Variants in CFAP221 observed in about 807,000 individuals in gnomAD.
The protein encoded by CFAP221 is cilia- and flagella-associated protein 221.
In CFAP221, 97 loss-of-function variants were observed where a neutral mutation model predicts 113.1. That is an observed-to-expected ratio of 0.86 (90% CI 0.73 to 1.02). CFAP221 has a LOEUF of 1.02. Among genes scored for constraint, CFAP221 ranks in the 50% least tolerant of loss-of-function variants. The pLI is 0.00. For synonymous variants in CFAP221, 331 were observed against 354.4 expected, an observed-to-expected ratio of 0.93 and a Z score of 0.74; for missense variants, 1,025 against 1,013.4, an observed-to-expected ratio of 1.01 and a Z score of -0.16.
chr2:119,647,183 C>T (rs1687865674), intron 22 of CFAP221, 133 bp downstream of exon 22: 1 of 602,802 alleles, frequency 1.7e-6, no homozygotes. Context: ...AAGGCTAACA[C>T]CCATCCATAC....
chr2:119,582,645 G>A (rs1409002452), intron 6 of CFAP221, among the ~76,000 whole-genome samples: 1 of 151,994 alleles, frequency 6.6e-6, no homozygotes, highest in Non-Finnish European at 1.5e-5. Context: ...ATGTAGAGAT[G>A]GGGTTTTGTT....
At chr2:119,600,082 G>A (rs555759819) in intron 7 of CFAP221, among the ~76,000 whole-genome samples, 2 of 152,288 alleles carry the variant, frequency 1.3e-5, no homozygotes, top group African/African-American at 4.8e-5. Context: ...GTCTCATCTA[G>A]AAAGCAAACC....
intron 7 of CFAP221, among the ~76,000 whole-genome samples, chr2:119,597,144 A>C (rs1227050310): frequency 6.6e-6 from 1 of 152,254 alleles, no homozygotes; most frequent in Non-Finnish European, 1.5e-5. Context: ...TTTATAGGAC[A>C]CACACTATGT....
In CFAP221 at chr2:119,656,421, T is replaced by C. The variant is rs749967169; in HGVS notation, c.2474T>C (p.Met825Thr). Reference protein sequence around the residue: ...EKAGEKLLEEMRNLRGKALNT... With the variant: ...EKAGEKLLEETRNLRGKALNT... ...GCCGGAGAGAAGCTGCTCGAGGAGA[T>C]GAGGAACCTGCGGGGCAAAGCACTC... The change falls in exon 24 of 24, where the codon ATG (methionine) becomes ACG (threonine). Residue 825 changes from methionine (M) to threonine (T), a missense_variant. Physicochemically the swap from Met to Thr is moderately conservative, Grantham distance 81. Coordinates refer to ENST00000413369, the MANE Select transcript of CFAP221 (RefSeq NM_001271049.2). 1.2e-6 allele frequency: 2 copies of C among 1,613,848 alleles called. No individual in the cohort carries two copies. The highest frequency in any genetic ancestry group is 1.7e-6 in the Non-Finnish European group (2 of 1,179,926).
intron 6 of CFAP221, among the ~76,000 whole-genome samples, chr2:119,575,101 G>A (rs1682345352): frequency 6.6e-6 from 1 of 152,160 alleles, no homozygotes; most frequent in Non-Finnish European, 1.5e-5. Context: ...TTTGAAGATG[G>A]TCAGTGTGTG....
chr2:119,639,503 G>T (rs760318499), intron 20 of CFAP221, among the ~76,000 whole-genome samples: 2 of 152,216 alleles, frequency 1.3e-5, no homozygotes, highest in Non-Finnish European at 2.9e-5. Flanking sequence ...AGATTCTAAG[G>T]CCGCAGCTGC....
At chr2:119,592,063 G>T (rs189391582) in intron 7 of CFAP221, among the ~76,000 whole-genome samples, 2 of 151,924 alleles carry the variant, frequency 1.3e-5, no homozygotes, top group Non-Finnish European at 2.9e-5. Context: ...AAACATTACC[G>T]AGAATCTCAT....
intron 7 of CFAP221, among the ~76,000 whole-genome samples, chr2:119,588,043 G>A (rs1683341761): frequency 6.6e-6 from 1 of 152,176 alleles, no homozygotes; most frequent in Admixed American, 6.5e-5. Context: ...TCTTTTCAGA[G>A]AGAAGAGGTT....
At chr2:119,617,235 G>A (rs1685588977) in intron 14 of CFAP221, among the ~76,000 whole-genome samples, 1 of 152,180 alleles carries the variant, frequency 6.6e-6, no homozygotes, top group Non-Finnish European at 1.5e-5. Context: ...ACTGCCTTGG[G>A]GACCTACTCA....
rs534042100 is a variant in CFAP221 at position 119,649,795 on chromosome 2, C to T, written c.2319-2179C>T. Among the ~76,000 whole-genome samples, 8 of 152,282 alleles carry T rather than the reference C, an allele frequency of 5.3e-5. No homozygotes were observed. In the East Asian group the frequency reaches 1.5e-3, roughly 29 times the overall value. On this transcript the variant is annotated intron_variant, in intron 22 of 23. Coordinates refer to ENST00000413369, the MANE Select transcript of CFAP221 (RefSeq NM_001271049.2). ...GTTGTTTATCTTAGGATGTTGCATT[C>T]TCAGTACATCCTTGTCCAAGAATTG...
At position 119,620,989 on chromosome 2, in the gene CFAP221, T is replaced by C. The variant is rs1244295080; in HGVS notation, c.1411-4594T>C. ...CCTGTAATCCCAGCACATTGGGAGG[T>C]CAAGGCAGGCGGATCACCTCAGGTC... On this transcript the variant is annotated intron_variant, in intron 14 of 23. Transcript: ENST00000413369. Among the ~76,000 whole-genome samples, 3 of 133,940 alleles carry C rather than the reference T, an allele frequency of 2.2e-5. No individual in the cohort carries two copies. The East Asian group carries it at 6.6e-4, about 29-fold the overall frequency. The allele number at this position is 133,940 out of a possible 152,430, so 87.9% of individuals were successfully genotyped here. A position where few individuals can be genotyped will look rare whatever the true frequency, so the allele number is the denominator to read the frequency against.
At position 119,638,352 on chromosome 2, in the gene CFAP221, T is replaced by C. The variant is rs770970038; in HGVS notation, c.2068T>C (p.Phe690Leu). The change falls in exon 20 of 24, where the codon TTC becomes CTC. Residue 690 changes from phenylalanine (F) to leucine (L), a missense_variant. Phe to Leu is a conservative substitution (Grantham distance 22). Transcript: ENST00000413369. ...YHLCSHPKYK[F>L]TKESRHGSSI... ...TCTATGCTCTCACCCCAAGTACAAA[T>C]TCACCAAAGAGTCCCGCCACGGGTC... 4 of 1,614,136 alleles carry C rather than the reference T, an allele frequency of 2.5e-6. No homozygotes were observed. The South Asian group carries it at 4.4e-5, about 18-fold the overall frequency.
intron 6 of CFAP221, among the ~76,000 whole-genome samples, chr2:119,574,716 A>G (rs1390559068): frequency 2.0e-5 from 3 of 152,184 alleles, no homozygotes; most frequent in Non-Finnish European, 1.5e-5. Context: ...ACACACACAC[A>G]CACTCACATA....
intron 19 of CFAP221, 152 bp from the exon 20 acceptor site, chr2:119,638,107 G>C (rs1426645294): frequency 3.0e-6 from 2 of 658,308 alleles, no homozygotes; most frequent in Non-Finnish European, 4.9e-6. Context: ...AGACACCTCT[G>C]CTCTCCTGCT....
intron 21 of CFAP221, among the ~76,000 whole-genome samples, 183 bp downstream of exon 21, chr2:119,640,055 A>C (rs1448122817): frequency 6.6e-6 from 1 of 152,224 alleles, no homozygotes; most frequent in Non-Finnish European, 1.5e-5. Flanking sequence ...TTATCTTGAG[A>C]TACACTTCTT....
chr2:119,548,865 A>G (rs576833781), intron 2 of CFAP221, among the ~76,000 whole-genome samples: 7 of 152,326 alleles, frequency 4.6e-5, no homozygotes, highest in African/African-American at 1.7e-4. Context: ...TTGTATTGTA[A>G]TGATAGTATC....
At chr2:119,553,089 A>G (rs1005871398) in intron 3 of CFAP221, among the ~76,000 whole-genome samples, 10 of 152,222 alleles carry the variant, frequency 6.6e-5, no homozygotes, top group African/African-American at 2.4e-4. Context: ...TTTCAAAACC[A>G]CCAAATAACT....
At chr2:119,557,416 T>C (rs1392464066) in intron 3 of CFAP221, 1 of 152,226 alleles carries the variant, frequency 6.6e-6, no homozygotes, top group African/African-American at 2.4e-5. Context: ...GTATGACAAC[T>C]GGCTGACCGA....
At chr2:119,580,774 G>C (rs1033115252) in intron 6 of CFAP221, 4 of 152,286 alleles carry the variant, frequency 2.6e-5, no homozygotes, top group Non-Finnish European at 5.9e-5. Flanking sequence ...GCAGGCTCCA[G>C]GTTTTGAAGC....
Sources: allele counts gnomAD v4.1 joint callset (sites outside exome capture counted in the v4.1 genomes callset), GRCh38; gene constraint gnomAD v4.1.1; transcripts MANE v1.5; gene names NCBI Gene and HGNC (gene_info 2026-07-23, HGNC 2026-07-21).